Variants in CDC42 observed in about 807,000 individuals in gnomAD.
The protein encoded by CDC42 is cell division cycle 42.
Under a neutral mutation model 20.8 loss-of-function variants are expected in CDC42, and 1 was observed. The ratio of observed to expected loss-of-function variants is 0.05; its 90% CI spans 0.02 to 0.23. The LOEUF (loss-of-function observed/expected upper bound fraction) is 0.23. Ranked by LOEUF, CDC42 falls within the 10% of genes least tolerant of loss-of-function variation. The pLI, the probability that CDC42 is intolerant of heterozygous loss-of-function variation, is 1.00. For missense variants in CDC42, 49 were observed against 227.9 expected (o/e 0.21, Z 5.05); for synonymous variants, 72 against 84.8 (o/e 0.85, Z 0.83).
chr1:22,071,710 T>C (rs1195499215), intron 1 of CDC42, among the ~76,000 whole-genome samples: 1 of 152,224 alleles, frequency 6.6e-6, no homozygotes, highest in Non-Finnish European at 1.5e-5. Context: ...AGGAAGATTG[T>C]GAAATTGGGT....
rs568767157 is a variant in CDC42, at chr1:22,096,024, A to G, written c.*4507A>G. ...GCCCGGGCTGGAGTGCAGTGGTGGC[A>G]TCTCCGCTCACTGCAACCTCCACCT... On this transcript the variant is annotated 3_prime_UTR_variant, in exon 6 of 6. Coordinates refer to ENST00000656825, the MANE Select transcript of CDC42 (RefSeq NM_001791.4). Among the ~76,000 whole-genome samples the G allele has an allele frequency of 1.3e-5, 2 of 152,128 alleles. No homozygotes were observed. Among genetic ancestry groups the G allele is most frequent in the South Asian group, 4.2e-4 (2 of 4,816 alleles).
intron 1 of CDC42, among the ~76,000 whole-genome samples, chr1:22,072,077 A>G (rs1185097333): frequency 4.7e-5 from 7 of 149,736 alleles, no homozygotes; most frequent in Admixed American, 3.4e-4. Flanking sequence ...AACTCAGGAA[A>G]ACGTTTTACT....
intron 5 of CDC42, among the ~76,000 whole-genome samples, chr1:22,087,985 G>A (rs1420227027): frequency 1.3e-5 from 2 of 152,130 alleles, no homozygotes; most frequent in Non-Finnish European, 2.9e-5. Context: ...AAATAACTTC[G>A]AGGCCTAGTA....
chr1:22,100,218 C>A lies in CDC42; in HGVS notation c.*8701C>A, dbSNP rs891812643. On this transcript the variant is annotated 3_prime_UTR_variant, in exon 6 of 6. Coordinates refer to ENST00000656825, the MANE Select transcript of CDC42 (RefSeq NM_001791.4). ...GACTGGGGCTCTGCCTTCATCTTCT[C>A]TGCAAACGGTCAGGGATACTCATGC... Among the ~76,000 whole-genome samples, 8 of 152,050 alleles carry A rather than the reference C, an allele frequency of 5.3e-5. No homozygotes were observed. The South Asian group carries it at 1.7e-3, about 32-fold the overall frequency.
rs114971613 is a variant in CDC42 at position 22,067,238 on chromosome 1, G to T, written c.-50-11191G>T. On this transcript the variant is annotated intron_variant, in intron 1 of 5. Transcript: ENST00000656825. The stretch of plus-strand genomic sequence containing the variant: ...AACGACAGAAACTTATCACAGTTCT[G>T]CATCCTGGGAAGGACAATATTGGGG... Among the ~76,000 whole-genome samples the T allele has an allele frequency of 1.5e-3, 233 of 152,288 alleles. 1 individual carries two copies. The highest frequency in any genetic ancestry group is 6.8e-3 in the Middle Eastern group (2 of 294).
intron 1 of CDC42, among the ~76,000 whole-genome samples, chr1:22,073,839 T>TG (rs1645519316): frequency 1.3e-5 from 2 of 149,990 alleles, no homozygotes; most frequent in Non-Finnish European, 3.0e-5. Context: ...TTTGTAGAGA[T>TG]GGGGTCTCAC....
intron 1 of CDC42, among the ~76,000 whole-genome samples, chr1:22,076,549 CTCT>C (rs1308055759): frequency 6.6e-6 from 1 of 152,174 alleles, no homozygotes; most frequent in Non-Finnish European, 1.5e-5. Flanking sequence ...CTGAGCCTCA[CTCT>C]TCTTATCTGT....
In CDC42 at chr1:22,097,557, T is replaced by A. The variant is rs1645766018; in HGVS notation, c.*6040T>A. ...GCGCCCGGCCTGAAATGTGTATTCT[T>A]AAGTCCGCCTTTCAAAGTTGAGTAC... On this transcript the variant is annotated 3_prime_UTR_variant, in exon 6 of 6. Transcript: ENST00000656825. 6.6e-6 allele frequency among the ~76,000 whole-genome samples: 1 copy of A among 152,236 alleles called. No individual in the cohort carries two copies. The highest frequency in any genetic ancestry group is 1.5e-5 in the Non-Finnish European group (1 of 68,044).
At chr1:22,087,521 A>G (rs2124041679) in intron 5 of CDC42, among the ~76,000 whole-genome samples, 1 of 152,252 alleles carries the variant, frequency 6.6e-6, no homozygotes, top group Non-Finnish European at 1.5e-5. Flanking sequence ...TTGGAATGGG[A>G]CTTGTAACTG....
At chr1:22,083,811 C>T (rs1042663792) in intron 3 of CDC42, among the ~76,000 whole-genome samples, 2 of 152,138 alleles carry the variant, frequency 1.3e-5, no homozygotes, top group Non-Finnish European at 2.9e-5. Context: ...CAGCCCTGTC[C>T]CTTGACCTGG....
intron 1 of CDC42, among the ~76,000 whole-genome samples, chr1:22,072,430 G>GTACA (rs1194408230): frequency 2.6e-5 from 4 of 152,096 alleles, no homozygotes; most frequent in Admixed American, 2.0e-4. Context: ...GTCATAAAGG[G>GTACA]TACAACTCAC....
At chr1:22,073,563 A>G (rs1057207082) in intron 1 of CDC42, among the ~76,000 whole-genome samples, 9 of 151,894 alleles carry the variant, frequency 5.9e-5, no homozygotes, top group Non-Finnish European at 7.4e-5. Flanking sequence ...AAAAATAAAA[A>G]ACCTAGAAGA....
At chr1:22,057,462 G>A (rs1259577753) in intron 1 of CDC42, among the ~76,000 whole-genome samples, 2 of 152,118 alleles carry the variant, frequency 1.3e-5, no homozygotes, top group African/African-American at 4.8e-5. Context: ...TCGGCTCACC[G>A]CAACCTCCGC....
At chr1:22,066,075 T>C (rs1569978763) in intron 1 of CDC42, among the ~76,000 whole-genome samples, 1 of 152,318 alleles carries the variant, frequency 6.6e-6, no homozygotes. Context: ...ATTACTACTT[T>C]AGTCAACAAA....
chr1:22,073,770 C>G (rs1206505621), intron 1 of CDC42, among the ~76,000 whole-genome samples: 1 of 152,078 alleles, frequency 6.6e-6, no homozygotes. Flanking sequence ...CCTCCCACCT[C>G]AGCCTCCCTG....
chr1:22,086,757 T>C lies in CDC42; in HGVS notation c.377T>C (p.Ile126Thr), dbSNP rs773774873. Reference sequence around the variant, plus strand: ...GATCTCAGAGATGACCCCTCTACTATTGAGAAACTTGCCAAGAACAAACAG... The same window carrying C: ...GATCTCAGAGATGACCCCTCTACTACTGAGAAACTTGCCAAGAACAAACAG... ...QIDLRDDPST[I>T]EKLAKNKQKP... Residue 126 changes from isoleucine (I) to threonine (T), a missense_variant, in exon 5 of 6, where the codon ATT becomes ACT. Physicochemically the swap from Ile to Thr is moderately conservative, Grantham distance 89. This residue lies in a region of CDC42 where 38 missense variants were observed against 106.6 expected (regional missense o/e 0.36). Coordinates refer to ENST00000656825, the MANE Select transcript of CDC42 (RefSeq NM_001791.4). 9 of 1,613,936 alleles carry C rather than the reference T, an allele frequency of 5.6e-6. No individual in the cohort carries two copies. The highest frequency in any genetic ancestry group is 1.7e-5 in the Admixed American group (1 of 59,996).
chr1:22,090,886 CT>C (rs1341885561), intron 5 of CDC42: 2 of 666,606 alleles, frequency 3.0e-6, no homozygotes, highest in African/African-American at 3.9e-5. Context: ...TTTTTGCTCC[CT>C]TGAATCTCCT....
intron 2 of CDC42, among the ~76,000 whole-genome samples, chr1:22,079,997 A>T (rs1335771017): frequency 6.6e-6 from 1 of 152,196 alleles, no homozygotes; most frequent in African/African-American, 2.4e-5. Context: ...TAATGTTCTC[A>T]TGGTACCTGT....
chr1:22,067,446 A>G (rs16826401), intron 1 of CDC42, among the ~76,000 whole-genome samples: 2 of 151,764 alleles, frequency 1.3e-5, no homozygotes, highest in South Asian at 4.2e-4. Flanking sequence ...GCTCACTGCA[A>G]CCTCTACCTC....
Sources: gnomAD v4.1 joint callset for allele counts (sites outside exome capture counted in the v4.1 genomes callset) on GRCh38, gnomAD v4.1.1 for gene constraint, gnomAD v4.1.1 regional missense constraint, MANE v1.5 for transcripts, NCBI Gene and HGNC (gene_info 2026-07-23, HGNC 2026-07-21) for gene names.